TLN2: variants seen among roughly 807,000 people sequenced by gnomAD.
TLN2 encodes the protein talin-2.
Under a neutral mutation model 294.7 loss-of-function variants are expected in TLN2, and 118 were observed. The observed-to-expected ratio is 0.40, with a 90% CI of 0.34 to 0.47. The LOEUF is 0.47. Among genes scored for constraint, TLN2 ranks in the 20% least tolerant of loss-of-function variants. TLN2 has a pLI of 0.84. For synonymous variants in TLN2, 1,431 were observed against 1,304.5 expected (o/e 1.10, Z -2.09); for missense variants, 3,083 against 3,282.2 (o/e 0.94, Z 1.48).
intron 3 of TLN2, among the ~76,000 whole-genome samples, chr15:62,635,645 C>T (rs2050306091): frequency 6.6e-6 from 1 of 152,098 alleles, no homozygotes; most frequent in Non-Finnish European, 1.5e-5. Flanking sequence ...ACCTTCCTTT[C>T]CTCTTGTGTT....
chr15:62,731,707 G>C (rs2060736745), intron 28 of TLN2, among the ~76,000 whole-genome samples: 1 of 152,188 alleles, frequency 6.6e-6, no homozygotes, highest in Non-Finnish European at 1.5e-5. Flanking sequence ...TAGAGAAAAA[G>C]CAATCCTAAA....
At chr15:62,817,607 G>T (rs1567670736) in intron 52 of TLN2, among the ~76,000 whole-genome samples, 2 of 152,058 alleles carry the variant, frequency 1.3e-5, no homozygotes, top group African/African-American at 4.8e-5. Context: ...CCTCTCATCG[G>T]TTTTTTTCTA....
chr15:62,583,156 G>T (rs572193018), intron 1 of TLN2, among the ~76,000 whole-genome samples: 36 of 152,150 alleles, frequency 2.4e-4, no homozygotes, highest in African/African-American at 7.2e-4. Flanking sequence ...TAAACATTAT[G>T]TTCAGAATAT....
chr15:62,758,934 A>C (rs1358858325), intron 37 of TLN2, among the ~76,000 whole-genome samples: 2 of 127,500 alleles, frequency 1.6e-5, no homozygotes, highest in Non-Finnish European at 3.4e-5. Flanking sequence ...GGTCCCCTCT[A>C]ACCCCCAAAG....
intron 1 of TLN2, among the ~76,000 whole-genome samples, chr15:62,431,252 G>A (rs113298006): frequency 6.6e-6 from 1 of 151,678 alleles, no homozygotes; most frequent in African/African-American, 2.4e-5. Flanking sequence ...TTTGGAGAAG[G>A]GAAATATACT....
At chr15:62,442,493 AG>A (rs753590521) in intron 1 of TLN2, among the ~76,000 whole-genome samples, 38,349 of 63,664 alleles carry the variant, frequency 0.6, 9,769 homozygotes, top group East Asian at 0.82. Context: ...ACTCTGTCTC[AG>A]AAAAAAAAAA....
chr15:62,467,522 G>A (rs1008573228), intron 1 of TLN2, among the ~76,000 whole-genome samples: 3 of 152,000 alleles, frequency 2.0e-5, no homozygotes, highest in South Asian at 4.2e-4. Context: ...GCAAAACCTC[G>A]TCTCTACTAA....
At chr15:62,729,250 A>G (rs2060592370) in intron 28 of TLN2, among the ~76,000 whole-genome samples, 1 of 152,194 alleles carries the variant, frequency 6.6e-6, no homozygotes. Context: ...GCAGTTTTAT[A>G]CTAAGTCTTA....
intron 1 of TLN2, among the ~76,000 whole-genome samples, chr15:62,558,271 G>C (rs1255030969): frequency 6.6e-6 from 1 of 152,208 alleles, no homozygotes; most frequent in Non-Finnish European, 1.5e-5. Context: ...TCCATCTGAT[G>C]TAGATATTAT....
chr15:62,705,808 A>G (rs2059025699), intron 19 of TLN2, among the ~76,000 whole-genome samples: 1 of 152,202 alleles, frequency 6.6e-6, no homozygotes, highest in African/African-American at 2.4e-5. Flanking sequence ...TCCCAAAGGG[A>G]TCTTCTGCTT....
intron 1 of TLN2, among the ~76,000 whole-genome samples, chr15:62,492,014 C>T (rs2038756464): frequency 1.3e-5 from 2 of 152,006 alleles, no homozygotes; most frequent in Admixed American, 6.5e-5. Context: ...CTGGTATATA[C>T]ATATGTATTT....
Position 62,676,653 on chromosome 15 carries a change from C to T in TLN2, c.957+1332C>T, listed in dbSNP as rs183431934. ...TTTTGGAGACGGAGTCTCACTCTGT[C>T]GCCCAGGCCGGAGTGCAGTGGCGCG... is the stretch of plus-strand genomic sequence containing the variant. On this transcript the variant is annotated intron_variant, in intron 11 of 58. Coordinates refer to ENST00000636159, the MANE Select transcript of TLN2 (RefSeq NM_015059.3). Among the ~76,000 whole-genome samples, 21 of 152,324 alleles carry T rather than the reference C, an allele frequency of 1.4e-4. No homozygotes were observed. In the East Asian group the frequency reaches 1.5e-3, roughly 11 times the overall value.
chr15:62,719,930 A>C, intron 25 of TLN2, 50 bp downstream of exon 25: 1 of 1,429,764 alleles, frequency 7.0e-7, no homozygotes, highest in Non-Finnish European at 9.5e-7. Context: ...TCTTCTGGGC[A>C]GGGGCTGCCC....
intron 3 of TLN2, among the ~76,000 whole-genome samples, chr15:62,628,098 CT>C (rs1459607039): frequency 6.6e-6 from 1 of 152,214 alleles, no homozygotes; most frequent in African/African-American, 2.4e-5. Flanking sequence ...TACATAGGTT[CT>C]TTAACTGAGA....
At chr15:62,747,586 C>T (rs555528760) in intron 32 of TLN2, among the ~76,000 whole-genome samples, 12 of 152,218 alleles carry the variant, frequency 7.9e-5, no homozygotes, top group Admixed American at 2.6e-4. Context: ...TTAAATAGTG[C>T]TAATATGGTC....
intron 9 of TLN2, among the ~76,000 whole-genome samples, chr15:62,665,288 G>A (rs1045194401): frequency 1.3e-5 from 2 of 152,124 alleles, no homozygotes; most frequent in South Asian, 2.1e-4. Flanking sequence ...GGGTTCAAGC[G>A]ATCCACCCTC....
intron 47 of TLN2, among the ~76,000 whole-genome samples, chr15:62,796,555 C>T (rs967262998): frequency 1.9e-4 from 29 of 152,192 alleles, no homozygotes; most frequent in Admixed American, 2.6e-4. Flanking sequence ...ACCTGCCACA[C>T]GCTGAGCCAG....
chr15:62,529,561 TAAAAA>T (rs11312497), intron 1 of TLN2, among the ~76,000 whole-genome samples: 1 of 135,188 alleles, frequency 7.4e-6, no homozygotes, highest in Admixed American at 7.3e-5. Context: ...CTTAAAAGCT[TAAAAA>T]AAAAAAAAAA....
At chr15:62,713,280 A>AC (rs1186574817) in intron 22 of TLN2, among the ~76,000 whole-genome samples, 8 of 151,164 alleles carry the variant, frequency 5.3e-5, no homozygotes, top group Admixed American at 1.3e-4. Flanking sequence ...TCAAAAAAAA[A>AC]AAAAAAAAAC....
Sources: allele counts gnomAD v4.1 joint callset (sites outside exome capture counted in the v4.1 genomes callset), GRCh38; gene constraint gnomAD v4.1.1; transcripts MANE v1.5; gene names NCBI Gene and HGNC (gene_info 2026-07-23, HGNC 2026-07-21).